KIF13A: variants seen among roughly 807,000 people sequenced by gnomAD.
The protein encoded by KIF13A is kinesin family member 13A.
A neutral mutation model predicts 212.2 loss-of-function variants in KIF13A; 79 were observed. The observed-to-expected ratio is 0.37, with a 90% CI of 0.31 to 0.45. The LOEUF is 0.45. Ranked by LOEUF, KIF13A falls within the 20% of genes least tolerant of loss-of-function variation. KIF13A has a pLI of 1.00. For synonymous variants in KIF13A, 789 were observed against 808.6 expected, an observed-to-expected ratio of 0.98 and a Z score of 0.41; for missense variants, 1,901 against 2,209.0, an observed-to-expected ratio of 0.86 and a Z score of 2.79.
rs1322651951 is a variant in KIF13A at position 17,967,390 on chromosome 6, G to C, written c.146+19664C>G. On this transcript the variant is annotated intron_variant, in intron 2 of 38. Transcript: ENST00000259711. The surrounding 1 kb of genome is among the most constrained non-coding windows in gnomAD (Gnocchi z 4.1). ...ACCTCTAATATCTTATATTTTCAAA[G>C]TGTTCAACAGTGAATGGGCATCACA... is the stretch of plus-strand genomic sequence containing the variant. Among the ~76,000 whole-genome samples, 1 of 152,124 alleles carries C rather than the reference G, an allele frequency of 6.6e-6. No homozygotes were observed. Among genetic ancestry groups the C allele is most frequent in the African/African-American group, 2.4e-5 (1 of 41,430 alleles).
intron 20 of KIF13A, among the ~76,000 whole-genome samples, chr6:17,800,591 C>T (rs540260468): frequency 7.2e-5 from 10 of 139,458 alleles, no homozygotes; most frequent in Non-Finnish European, 1.5e-4. Flanking sequence ...TGCGTGCTAC[C>T]ACGCCCAGCT....
intron 9 of KIF13A, among the ~76,000 whole-genome samples, chr6:17,847,021 T>G (rs1767132928): frequency 6.6e-6 from 1 of 152,214 alleles, no homozygotes; most frequent in Non-Finnish European, 1.5e-5. Context: ...ACCCATGCCT[T>G]GATGCTGATG....
chr6:17,760,651 G>T, downstream of KIF13A: 1 of 592,662 alleles, frequency 1.7e-6, no homozygotes. Flanking sequence ...AGAGGCTGTT[G>T]ATTCACCCAA....
chr6:17,953,113 G>T (rs9383335), intron 2 of KIF13A, among the ~76,000 whole-genome samples: 1 of 152,110 alleles, frequency 6.6e-6, no homozygotes, highest in East Asian at 1.9e-4. Context: ...ATTAAGCAAA[G>T]AAATTATCAT....
downstream of KIF13A, chr6:17,760,900 T>A (rs961818707): frequency 6.2e-6 from 10 of 1,612,566 alleles, no homozygotes; most frequent in African/African-American, 1.3e-5. Flanking sequence ...GGCTGGTGAG[T>A]TCATGCTTCT....
chr6:17,878,905 G>A (rs192302994), intron 3 of KIF13A, among the ~76,000 whole-genome samples: 14 of 152,164 alleles, frequency 9.2e-5, no homozygotes, highest in Admixed American at 2.6e-4. Flanking sequence ...CCAAAGAGCA[G>A]CACCCTTTGA....
rs1760136688 is a variant in KIF13A at position 17,777,812 on chromosome 6, A to G, written c.4093-458T>C. Among the ~76,000 whole-genome samples the G allele has an allele frequency of 6.7e-6, 1 of 149,022 alleles. No homozygotes were observed. The highest frequency in any genetic ancestry group is 2.1e-4 in the South Asian group (1 of 4,760). Reference sequence around the variant, plus strand: ...AATATTATTTTACCCACTTATTATTATTTGTTTAGCAATTTATCAAAAATA... The same window carrying G: ...AATATTATTTTACCCACTTATTATTGTTTGTTTAGCAATTTATCAAAAATA... On this transcript the variant is annotated intron_variant, in intron 33 of 38. Coordinates refer to ENST00000259711, the MANE Select transcript of KIF13A (RefSeq NM_022113.6). This position sits in a 1 kb window ranked among gnomAD's most constrained non-coding sequence, Gnocchi z 4.4.
chr6:17,876,587 T>A (rs1324659370), intron 3 of KIF13A, among the ~76,000 whole-genome samples: 2 of 152,052 alleles, frequency 1.3e-5, no homozygotes, highest in Non-Finnish European at 1.5e-5. Flanking sequence ...ATTTTATTTT[T>A]CATTTATCAT....
chr6:17,957,989 A>G (rs1001569026), intron 2 of KIF13A, among the ~76,000 whole-genome samples: 6 of 152,214 alleles, frequency 3.9e-5, no homozygotes, highest in African/African-American at 1.2e-4. Context: ...TTCCTCTAGG[A>G]AACAGTCACA....
intron 20 of KIF13A, among the ~76,000 whole-genome samples, chr6:17,803,034 A>G (rs1161069341): frequency 1.3e-5 from 2 of 150,938 alleles, no homozygotes; most frequent in African/African-American, 2.4e-5. Flanking sequence ...CCCGGGTTCA[A>G]GCGATTCTCC....
Position 17,886,372 on chromosome 6 carries a change from G to A in KIF13A, c.159+11796C>T, listed in dbSNP as rs1031144657. Among the ~76,000 whole-genome samples, 12 of 152,082 alleles carry A rather than the reference G, an allele frequency of 7.9e-5. No homozygotes were observed. Among genetic ancestry groups the A allele is most frequent in the Non-Finnish European group, 1.6e-4 (11 of 68,024 alleles). On this transcript the variant is annotated intron_variant, in intron 3 of 38. Transcript: ENST00000259711. This position sits in a 1 kb window ranked among gnomAD's most constrained non-coding sequence, Gnocchi z 5.6. ...AGCTAAAGGACCTGAGGCAGTCCAGGGGTTGCAAACATTTACTCCCAGTTA... is the reference window on the plus strand; with the variant it reads ...AGCTAAAGGACCTGAGGCAGTCCAGAGGTTGCAAACATTTACTCCCAGTTA...
Position 17,787,727 on chromosome 6 carries a change from T to A in KIF13A, c.3361+49A>T, listed in dbSNP as rs959619477. The A allele has an allele frequency of 9.6e-7, 1 of 1,044,028 alleles. No individual in the cohort carries two copies. Among genetic ancestry groups the A allele is most frequent in the Non-Finnish European group, 1.5e-6 (1 of 661,172 alleles). The allele number at this position is 1,044,028 out of a possible 1,614,324, so 64.7% of individuals were successfully genotyped here. On this transcript the variant is annotated intron_variant, in intron 27 of 38. Transcript: ENST00000259711. The surrounding 1 kb of genome is among the most constrained non-coding windows in gnomAD (Gnocchi z 4.6). Reference sequence around the variant, plus strand: ...GGAAGAAAACGACCTACTGCCATTGTGTAAAAGTGAAAAAGCTACTCCCCA... The same window carrying A: ...GGAAGAAAACGACCTACTGCCATTGAGTAAAAGTGAAAAAGCTACTCCCCA...
At chr6:17,792,166 G>A (rs923957975) in intron 25 of KIF13A, among the ~76,000 whole-genome samples, 1 of 122,380 alleles carries the variant, frequency 8.2e-6, no homozygotes, top group Non-Finnish European at 1.6e-5. Context: ...TTGCACCATT[G>A]CACTCCAGCC....
chr6:17,932,733 C>T (rs1377149514), intron 2 of KIF13A, among the ~76,000 whole-genome samples: 2 of 151,406 alleles, frequency 1.3e-5, no homozygotes, highest in Non-Finnish European at 2.9e-5. Flanking sequence ...AGCTTGTATG[C>T]AGGCCAGAGG....
In KIF13A at chr6:17,872,433, C is replaced by G. The variant is rs568428093; in HGVS notation, c.220+944G>C. 6.6e-6 allele frequency among the ~76,000 whole-genome samples: 1 copy of G among 152,188 alleles called. No homozygotes were observed. Among genetic ancestry groups the G allele is most frequent in the East Asian group, 1.9e-4 (1 of 5,170 alleles). On this transcript the variant is annotated intron_variant, in intron 4 of 38. Coordinates refer to ENST00000259711, the MANE Select transcript of KIF13A (RefSeq NM_022113.6). This position sits in a 1 kb window ranked among gnomAD's most constrained non-coding sequence, Gnocchi z 4.7. ...AGTTCACGAGCTCTATTGTACAACACGGTGACTATAGTTAATAACAACGTA... is the reference window on the plus strand; with the variant it reads ...AGTTCACGAGCTCTATTGTACAACAGGGTGACTATAGTTAATAACAACGTA...
intron 2 of KIF13A, among the ~76,000 whole-genome samples, chr6:17,903,199 A>C (rs939843586): frequency 1.3e-5 from 2 of 152,204 alleles, no homozygotes; most frequent in Non-Finnish European, 2.9e-5. Context: ...ACACAGTTAA[A>C]TATGGGTTTC....
chr6:17,846,110 C>T (rs1767021746), intron 9 of KIF13A, among the ~76,000 whole-genome samples: 1 of 136,318 alleles, frequency 7.3e-6, no homozygotes, highest in East Asian at 2.2e-4. Context: ...CGCCCACTAC[C>T]ATGCCGGGCT....
intron 2 of KIF13A, among the ~76,000 whole-genome samples, chr6:17,960,623 G>T (rs1431938757): frequency 1.3e-5 from 2 of 152,118 alleles, no homozygotes; most frequent in African/African-American, 4.8e-5. Flanking sequence ...TTACCCAGGG[G>T]ATATATCGAG....
chr6:17,847,120 T>TACAC (rs147783786), intron 9 of KIF13A, among the ~76,000 whole-genome samples: 2 of 151,858 alleles, frequency 1.3e-5, no homozygotes, highest in African/African-American at 4.8e-5. Flanking sequence ...ACGCCAGTCA[T>TACAC]ACACACACAC....
Sources: gnomAD v4.1 joint callset for allele counts (sites outside exome capture counted in the v4.1 genomes callset) on GRCh38, gnomAD v4.1.1 for gene constraint, Gnocchi (gnomAD v3.1) non-coding constraint, MANE v1.5 for transcripts, NCBI Gene and HGNC (gene_info 2026-07-23, HGNC 2026-07-21) for gene names.